Variants in SRGAP2 observed in about 807,000 individuals in gnomAD.
SRGAP2 encodes SLIT-ROBO Rho GTPase-activating protein 2.
In SRGAP2, 15 loss-of-function variants were observed where a neutral mutation model predicts 57.2. The observed-to-expected ratio is 0.26, with a 90% CI of 0.18 to 0.40. The LOEUF (loss-of-function observed/expected upper bound fraction) is 0.40, where lower values mean the gene tolerates loss of function less well. SRGAP2 is among the 10% of genes least tolerant of loss of function. SRGAP2 has a pLI of 1.00. For missense variants in SRGAP2, 520 were observed against 669.6 expected, an observed-to-expected ratio of 0.78 and a Z score of 2.47; for synonymous variants, 249 against 248.0, an observed-to-expected ratio of 1.00 and a Z score of -0.04.
intron 4 of SRGAP2, among the ~76,000 whole-genome samples, chr1:206,355,547 T>C (rs1328778842): frequency 1.3e-5 from 2 of 152,164 alleles, no homozygotes; most frequent in Non-Finnish European, 1.5e-5. Context: ...TAAGGTGTTA[T>C]TCATGGTGCC....
intron 3 of SRGAP2, among the ~76,000 whole-genome samples, chr1:206,339,534 C>CA (rs1553334658): frequency 6.6e-6 from 1 of 152,166 alleles, no homozygotes; most frequent in African/African-American, 2.4e-5. Flanking sequence ...CGAGACATTG[C>CA]AGTGGTATCT....
chr1:206,402,107 G>A (rs1335728391), intron 8 of SRGAP2, among the ~76,000 whole-genome samples: 2 of 152,012 alleles, frequency 1.3e-5, no homozygotes, highest in Non-Finnish European at 2.9e-5. Flanking sequence ...GTGGGGAAGC[G>A]AGGGCTAGGC....
At chr1:206,439,446 G>A (rs1662070404) in intron 16 of SRGAP2, among the ~76,000 whole-genome samples, 1 of 152,066 alleles carries the variant, frequency 6.6e-6, no homozygotes, top group Non-Finnish European at 1.5e-5. Context: ...GGCATGTGTG[G>A]AGTGAGCAGG....
intron 4 of SRGAP2, among the ~76,000 whole-genome samples, chr1:206,366,146 A>G (rs1296020838): frequency 2.6e-5 from 4 of 152,266 alleles, no homozygotes; most frequent in Non-Finnish European, 4.4e-5. Context: ...AAAAATTATA[A>G]AAACATACCA....
At chr1:206,373,106 T>C (rs1403548735) in intron 4 of SRGAP2, among the ~76,000 whole-genome samples, 20 of 124,046 alleles carry the variant, frequency 1.6e-4, no homozygotes, top group African/African-American at 7.0e-4. Context: ...TTTCTTTTTT[T>C]TTTTTTTTTT....
At chr1:206,418,035 G>A (rs782214726) in intron 11 of SRGAP2, among the ~76,000 whole-genome samples, 7 of 151,490 alleles carry the variant, frequency 4.6e-5, no homozygotes, top group Middle Eastern at 3.2e-3. Context: ...TGCTACTATG[G>A]AGGGATGAAG....
At chr1:206,355,422 AGTTAGTCTACC>A (rs1676357828) in intron 4 of SRGAP2, among the ~76,000 whole-genome samples, 1 of 152,040 alleles carries the variant, frequency 6.6e-6, no homozygotes, top group African/African-American at 2.4e-5. Flanking sequence ...CATAACATCT[AGTTAGTCTACC>A]GATAGTGATG....
In SRGAP2 at chr1:206,461,247, G is replaced by T. The variant is rs782705349; in HGVS notation, c.3043G>T (p.Ala1015Ser). ...EPAFQRSAST[A>S]GDIACAFRPV... Reference sequence around the variant, plus strand: ...CGCCTTCCAGCGCAGCGCCAGTACTGCTGGGGACATCGCCTGCGCCTTCCG... The same window carrying T: ...CGCCTTCCAGCGCAGCGCCAGTACTTCTGGGGACATCGCCTGCGCCTTCCG... Residue 1015 changes from alanine to serine, a missense_variant, in exon 23 of 23, where the codon GCT (alanine) becomes TCT (serine). By Grantham distance (99) the Ala-to-Ser change is moderately conservative. Around this residue, in one of 5 missense-constraint regions of SRGAP2, gnomAD observed 478 missense variants for 373.6 expected, o/e 1.28. Coordinates refer to ENST00000573034, the MANE Select transcript of SRGAP2 (RefSeq NM_015326.5). 7 of 780,862 alleles carry T rather than the reference G, an allele frequency of 9.0e-6. No homozygotes were observed. In the South Asian group the frequency reaches 9.4e-5, roughly 10 times the overall value. The allele number at this position is 780,862 out of a possible 1,614,324, so 48.4% of individuals were successfully genotyped here.
intron 16 of SRGAP2, 27 bp from the exon 17 acceptor site, chr1:206,439,949 G>T (rs782088996): frequency 1.3e-6 from 1 of 779,162 alleles, no homozygotes; most frequent in African/African-American, 1.7e-5. Context: ...CATAGTGGAG[G>T]ATAACACATG....
rs782133090 is a variant in SRGAP2 at position 206,453,178 on chromosome 1, ACTT to A, written c.2180-18_2180-16del. On this transcript the variant is annotated intron_variant, in intron 19 of 22. Coordinates refer to ENST00000573034, the MANE Select transcript of SRGAP2 (RefSeq NM_015326.5). ...CTGCAGGTCCCAAGAACATGTGTTT[ACTT>A]CTTTTCCACCCTTCTCAGAATGTGA... 2.1e-6 allele frequency: 1 copy of A among 478,492 alleles called. No individual in the cohort carries two copies. The highest frequency in any genetic ancestry group is 3.9e-6 in the Non-Finnish European group (1 of 255,238). 29.6% of individuals were successfully genotyped at this position (478,492 alleles called of 1,614,324 possible). A position where few individuals can be genotyped will look rare whatever the true frequency, so the allele number is the denominator to read the frequency against.
chr1:206,356,415 A>AT (rs1676442028), intron 4 of SRGAP2, among the ~76,000 whole-genome samples: 1 of 146,558 alleles, frequency 6.8e-6, no homozygotes, highest in African/African-American at 2.5e-5. Flanking sequence ...TCACATCATC[A>AT]TGCTCTGCTG....
chr1:206,221,388 A>G (rs1385530217), intron 2 of SRGAP2, among the ~76,000 whole-genome samples: 2 of 149,608 alleles, frequency 1.3e-5, no homozygotes, highest in Non-Finnish European at 2.9e-5. Context: ...TTGCAAAGAA[A>G]CCATTTTTTT....
chr1:206,286,323 C>A (rs1203064650), intron 2 of SRGAP2, among the ~76,000 whole-genome samples: 1 of 151,974 alleles, frequency 6.6e-6, no homozygotes, highest in African/African-American at 2.4e-5. Context: ...GATGGGTTTC[C>A]TTTTTTAATT....
intron 3 of SRGAP2, among the ~76,000 whole-genome samples, chr1:206,305,504 C>T (rs1208802671): frequency 6.6e-6 from 1 of 152,262 alleles, no homozygotes; most frequent in African/African-American, 2.4e-5. Context: ...GAAAGTTCTC[C>T]ATCTTCTGAA....
At chr1:206,374,174 GC>G in intron 4 of SRGAP2, among the ~76,000 whole-genome samples, 1 of 151,420 alleles carries the variant, frequency 6.6e-6, no homozygotes, top group Non-Finnish European at 1.5e-5. Flanking sequence ...ACAGGCGCCC[GC>G]CACTACGCCC....
intron 13 of SRGAP2, among the ~76,000 whole-genome samples, chr1:206,426,488 T>C (rs1439382648): frequency 6.6e-6 from 1 of 152,234 alleles, no homozygotes; most frequent in African/African-American, 2.4e-5. Flanking sequence ...TTTGGATCTA[T>C]AGCCAGCAGT....
intron 2 of SRGAP2, among the ~76,000 whole-genome samples, chr1:206,291,803 T>A (rs1460803607): frequency 6.7e-6 from 1 of 149,118 alleles, no homozygotes; most frequent in African/African-American, 2.6e-5. Context: ...TCAGTTCTTA[T>A]AACCAACCAG....
chr1:206,427,032 T>C (rs550093440), intron 13 of SRGAP2, among the ~76,000 whole-genome samples: 1 of 152,304 alleles, frequency 6.6e-6, no homozygotes, highest in South Asian at 2.1e-4. Context: ...ACTCAAAAAA[T>C]CTTTGCCCAG....
intron 2 of SRGAP2, among the ~76,000 whole-genome samples, chr1:206,208,755 G>C (rs1296009444): frequency 3.3e-5 from 5 of 151,950 alleles, no homozygotes; most frequent in Admixed American, 6.5e-5. Context: ...GGTGCTGCCA[G>C]ACTTACTTCT....
Sources: allele counts gnomAD v4.1 joint callset (sites outside exome capture counted in the v4.1 genomes callset), GRCh38; gene constraint gnomAD v4.1.1; regional missense constraint gnomAD v4.1.1; transcripts MANE v1.5; gene names NCBI Gene and HGNC (gene_info 2026-07-23, HGNC 2026-07-21).